Variants in SMCHD1 observed in about 807,000 individuals in gnomAD.
SMCHD1 encodes structural maintenance of chromosomes flexible hinge domain-containing protein 1.
A neutral mutation model predicts 254.7 loss-of-function variants in SMCHD1; 78 were observed. That is an observed-to-expected ratio of 0.31 (90% confidence interval 0.26 to 0.37). The LOEUF (loss-of-function observed/expected upper bound fraction) is 0.37, where lower values mean the gene tolerates loss of function less well. SMCHD1 is among the 10% of genes least tolerant of loss of function. The probability of loss-of-function intolerance (pLI) is 1.00; values close to 1 mark genes in which losing one functional copy is unlikely to be tolerated. For missense variants in SMCHD1, 1,840 were observed against 2,408.1 expected (o/e 0.76, Z 4.94); for synonymous variants, 766 against 794.9 (o/e 0.96, Z 0.61).
At chr18:2,711,003 T>C (rs903855949) in intron 17 of SMCHD1, among the ~76,000 whole-genome samples, 1 of 151,936 alleles carries the variant, frequency 6.6e-6, no homozygotes, top group African/African-American at 2.4e-5. Context: ...TTGAGACGGG[T>C]TCTCACTCTG....
rs190167623 is a variant in SMCHD1 at position 2,766,648 on chromosome 18, T to A, written c.4719+2859T>A. Among the ~76,000 whole-genome samples, 225 of 152,352 alleles carry A rather than the reference T, an allele frequency of 1.5e-3. 1 individual carries two copies. Among genetic ancestry groups the A allele is most frequent in the Non-Finnish European group, 6.2e-4 (42 of 68,034 alleles). ...TAAATGTTCCACATTATTGCTTTGT[T>A]TAAAGTTACAATCTAAATTTGTAGT... On this transcript the variant is annotated intron_variant, in intron 37 of 47. Transcript: ENST00000320876.
chr18:2,676,992 T>G (rs537899471), intron 5 of SMCHD1, among the ~76,000 whole-genome samples: 17 of 152,322 alleles, frequency 1.1e-4, no homozygotes, highest in Admixed American at 9.8e-4. Flanking sequence ...ATGTTCGATC[T>G]CCTTCATTCT....
At chr18:2,672,068 T>C (rs7237601) in intron 3 of SMCHD1, among the ~76,000 whole-genome samples, 31,098 of 152,116 alleles carry the variant, frequency 0.2, 3,423 homozygotes, top group South Asian at 0.33. Context: ...TGCCATTTCC[T>C]ACAGTGTCCC....
At chr18:2,782,763 A>ACAAAAC (rs1568380194) in intron 44 of SMCHD1, among the ~76,000 whole-genome samples, 2 of 150,600 alleles carry the variant, frequency 1.3e-5, no homozygotes, top group Admixed American at 6.6e-5. Flanking sequence ...AAAAAAAAAA[A>ACAAAAC]AAAAAAAAAG....
intron 1 of SMCHD1, among the ~76,000 whole-genome samples, chr18:2,657,191 C>G (rs1391137061): frequency 6.6e-6 from 1 of 152,104 alleles, no homozygotes; most frequent in Non-Finnish European, 1.5e-5. Flanking sequence ...TGTTCTAGAC[C>G]ATATAACTGT....
intron 13 of SMCHD1, 36 bp from the exon 14 acceptor site, chr18:2,705,658 C>T (rs571272221): frequency 4.7e-6 from 5 of 1,070,280 alleles, no homozygotes; most frequent in African/African-American, 3.2e-5. Context: ...AATCTTAATA[C>T]TGAAGCTTTT....
At chr18:2,732,627 G>A (rs879622914) in intron 25 of SMCHD1, 135 bp downstream of exon 25, 8 of 586,342 alleles carry the variant, frequency 1.4e-5, no homozygotes, top group Middle Eastern at 9.2e-4. Context: ...ATTTCAAATT[G>A]TAAGCAGAAT....
At chr18:2,771,752 C>A (rs1207919189) in intron 40 of SMCHD1, 134 bp downstream of exon 40, 3 of 633,850 alleles carry the variant, frequency 4.7e-6, no homozygotes, top group Non-Finnish European at 7.4e-6. Context: ...CGTCACTAGA[C>A]ATTAAAAATG....
chr18:2,656,019 C>T lies in SMCHD1; in HGVS notation c.-57C>T. On this transcript the variant is annotated 5_prime_UTR_variant, in exon 1 of 48. Coordinates refer to ENST00000320876, the MANE Select transcript of SMCHD1 (RefSeq NM_015295.3). Reference sequence around the variant, plus strand: ...CTGAAGGCGCCGCGCGGAGCGCGCACCTCAGCCCTGAGCCCGGCGGCGGCA... The same window carrying T: ...CTGAAGGCGCCGCGCGGAGCGCGCATCTCAGCCCTGAGCCCGGCGGCGGCA... 7.8e-7 allele frequency: 1 copy of T among 1,277,228 alleles called. No individual in the cohort carries two copies. The highest frequency in any genetic ancestry group is 3.1e-5 in the East Asian group (1 of 31,924). 79.1% of individuals were successfully genotyped at this position (1,277,228 alleles called of 1,614,324 possible).
chr18:2,707,367 CTTCTT>C, intron 15 of SMCHD1, 191 bp from the exon 16 acceptor site: 1 of 308,898 alleles, frequency 3.2e-6, no homozygotes, highest in Non-Finnish European at 5.8e-6. Flanking sequence ...TTTTTTTCTT[CTTCTT>C]TTTTTTCAGT....
intron 5 of SMCHD1, among the ~76,000 whole-genome samples, chr18:2,680,707 AC>A (rs912505277): frequency 2.8e-4 from 42 of 152,076 alleles, no homozygotes; most frequent in African/African-American, 9.9e-4. Flanking sequence ...CTTTTACAAA[AC>A]CCTGCAGACC....
chr18:2,685,421 G>A (rs539156621), intron 5 of SMCHD1, among the ~76,000 whole-genome samples: 217 of 152,140 alleles, frequency 1.4e-3, no homozygotes, highest in Non-Finnish European at 2.8e-3. Flanking sequence ...TTTTAAAGCA[G>A]TTCTCTTTTA....
At chr18:2,711,622 ACAGGCG>A (rs2074674918) in intron 17 of SMCHD1, among the ~76,000 whole-genome samples, 1 of 149,432 alleles carries the variant, frequency 6.7e-6, no homozygotes, top group Non-Finnish European at 1.5e-5. Flanking sequence ...AGCTGGGACT[ACAGGCG>A]CCCGCCACTA....
intron 17 of SMCHD1, among the ~76,000 whole-genome samples, chr18:2,712,011 A>G (rs2074688128): frequency 6.6e-6 from 1 of 152,166 alleles, no homozygotes; most frequent in Admixed American, 6.6e-5. Flanking sequence ...AAGCAGCCTG[A>G]GGCTTTCACC....
At chr18:2,673,394 CT>C in intron 4 of SMCHD1, 31 bp downstream of exon 4, 1 of 1,387,642 alleles carries the variant, frequency 7.2e-7, no homozygotes, top group Admixed American at 2.6e-5. Context: ...AGCAATTTAA[CT>C]TTTCCTTTTG....
At chr18:2,656,663 A>G (rs983783383) in intron 1 of SMCHD1, among the ~76,000 whole-genome samples, 10 of 152,222 alleles carry the variant, frequency 6.6e-5, no homozygotes, top group South Asian at 2.1e-4. Flanking sequence ...GTTAACGCCC[A>G]GGGGCTCTGT....
Position 2,697,885 on chromosome 18 carries a change from C to G in SMCHD1, c.1186C>G (p.Gln396Glu). The change falls in exon 10 of 48, where the codon CAA (glutamine) becomes GAA (glutamate). Residue 396 changes from glutamine (Q) to glutamate (E), a missense_variant. Coordinates refer to ENST00000320876, the MANE Select transcript of SMCHD1 (RefSeq NM_015295.3). ...VPKIVNLREI[Q>E]DDMQTLYVNT... is the part of the protein sequence containing the mutation. ...TAAGATTGTCAACCTAAGGGAAATACAAGACGACATGCAGACGTTGTATGT... is the reference window on the plus strand; with the variant it reads ...TAAGATTGTCAACCTAAGGGAAATAGAAGACGACATGCAGACGTTGTATGT... 1.2e-6 allele frequency: 2 copies of G among 1,613,670 alleles called. No individual in the cohort carries two copies. Among genetic ancestry groups the G allele is most frequent in the African/African-American group, 1.3e-5 (1 of 75,026 alleles).
chr18:2,743,067 A>T (rs2143563939), intron 28 of SMCHD1, among the ~76,000 whole-genome samples: 1 of 152,346 alleles, frequency 6.6e-6, no homozygotes, highest in East Asian at 1.9e-4. Flanking sequence ...GAAATTTAAG[A>T]TGAATAAATC....
In SMCHD1 at chr18:2,796,101, A is replaced by G. The variant is rs2076258859; in HGVS notation, c.5872A>G (p.Lys1958Glu). The change falls in exon 46 of 48, where the codon AAA becomes GAA. Residue 1958 changes from lysine to glutamate, a missense_variant. Physicochemically the swap from Lys to Glu is moderately conservative, Grantham distance 56. This residue lies in a region of SMCHD1 where 132 missense variants were observed against 138.2 expected (regional missense o/e 0.95). Coordinates refer to ENST00000320876, the MANE Select transcript of SMCHD1 (RefSeq NM_015295.3). ...GAAAAATCTCAAACTAATAGAGGAAAAACTAGGTAAGTCTTTGCTTTTTGT... is the reference window on the plus strand; with the variant it reads ...GAAAAATCTCAAACTAATAGAGGAAGAACTAGGTAAGTCTTTGCTTTTTGT... ...HEKNLKLIEEKLGMTPIRKCN... is the reference protein window; with the variant it reads ...HEKNLKLIEEELGMTPIRKCN... The G allele has an allele frequency of 6.4e-7, 1 of 1,550,550 alleles. No individual in the cohort carries two copies. Among genetic ancestry groups the G allele is most frequent in the Non-Finnish European group, 8.7e-7 (1 of 1,150,610 alleles).
Sources: allele counts gnomAD v4.1 joint callset (sites outside exome capture counted in the v4.1 genomes callset), GRCh38; gene constraint gnomAD v4.1.1; regional missense constraint gnomAD v4.1.1; transcripts MANE v1.5; gene names NCBI Gene and HGNC (gene_info 2026-07-23, HGNC 2026-07-21).